The following AFF2 variants were observed in gnomAD, a reference collection of about 807,000 sequenced individuals.
AFF2 encodes the protein AF4/FMR2 family member 2.
AFF2 carries 14 observed loss-of-function variants against 76.9 expected under a neutral mutation model. That is an observed-to-expected ratio of 0.18 (90% CI 0.12 to 0.28). AFF2 has a LOEUF of 0.28. Ranked by LOEUF, AFF2 falls within the 10% of genes least tolerant of loss-of-function variation. The pLI is 1.00. For missense variants in AFF2, 868 were observed against 1,001.1 expected (o/e 0.87, Z 1.79); for synonymous variants, 398 against 366.7 (o/e 1.09, Z -0.98).
At chrX:148,898,496 C>T (rs782355312) in intron 8 of AFF2, among the ~76,000 whole-genome samples, 9 of 112,053 alleles carry the variant, frequency 8.0e-5, no homozygotes, top group Admixed American at 1.9e-4. Context: ...GCAGTAGTTG[C>T]AGGAAGAGTG....
intron 3 of AFF2, chrX:148,719,230 A>G (rs782682054): frequency 4.4e-6 from 5 of 1,144,847 alleles, no homozygotes; most frequent in Non-Finnish European, 5.8e-6. Flanking sequence ...TTCAAGATGA[A>G]GGTAGGCAAT....
At chrX:148,531,908 TAAAA>T (rs5904240) in intron 1 of AFF2, among the ~76,000 whole-genome samples, 2 of 107,503 alleles carry the variant, frequency 1.9e-5, no homozygotes, top group African/African-American at 6.8e-5. Context: ...ATCTTTTTTT[TAAAA>T]AAAAAGCAAA....
intron 3 of AFF2, among the ~76,000 whole-genome samples, chrX:148,680,848 A>C (rs1557259876): frequency 9.0e-6 from 1 of 111,443 alleles, no homozygotes; most frequent in Non-Finnish European, 1.9e-5. Context: ...CCTACAAGAC[A>C]CTAGGATGAA....
intron 9 of AFF2, among the ~76,000 whole-genome samples, chrX:148,946,190 C>T (rs943420134): frequency 1.6e-4 from 18 of 112,311 alleles, no homozygotes; most frequent in Non-Finnish European, 2.6e-4. Context: ...AAGTTCCAAA[C>T]GGTCTGTTTG....
chrX:148,838,852 C>G (rs1471130430), intron 5 of AFF2, among the ~76,000 whole-genome samples: 1 of 112,268 alleles, frequency 8.9e-6, no homozygotes, highest in Non-Finnish European at 1.9e-5. Flanking sequence ...GAAAGTAACA[C>G]TGATCTAAAC....
intron 4 of AFF2, among the ~76,000 whole-genome samples, chrX:148,835,400 T>C (rs782777748): frequency 1.8e-5 from 2 of 111,141 alleles, no homozygotes; most frequent in East Asian, 5.6e-4. Context: ...TACATACTTA[T>C]GGGGTAAAAC....
At chrX:148,621,322 C>T (rs1304490288) in intron 1 of AFF2, among the ~76,000 whole-genome samples, 2 of 110,873 alleles carry the variant, frequency 1.8e-5, no homozygotes, top group Admixed American at 1.9e-4. Flanking sequence ...TTTTGGTGGT[C>T]TTTTTTGGAG....
chrX:148,790,250 T>G (rs1277812050), intron 3 of AFF2, among the ~76,000 whole-genome samples: 1 of 111,706 alleles, frequency 9.0e-6, no homozygotes, highest in Non-Finnish European at 1.9e-5. Context: ...GGAATGTGTA[T>G]TTTTTCAACC....
chrX:148,597,868 A>G (rs1223738540), intron 1 of AFF2, among the ~76,000 whole-genome samples: 1 of 112,367 alleles, frequency 8.9e-6, no homozygotes, highest in Non-Finnish European at 1.9e-5. Context: ...ACGGAAATAA[A>G]CTGAGGAAAA....
chrX:148,718,772 C>T (rs1438069841), intron 3 of AFF2, among the ~76,000 whole-genome samples: 2 of 111,191 alleles, frequency 1.8e-5, no homozygotes, highest in African/African-American at 6.5e-5. Flanking sequence ...CTGTTTTATT[C>T]ATCTCTGTAT....
intron 1 of AFF2, among the ~76,000 whole-genome samples, chrX:148,642,745 G>A (rs1557254872): frequency 8.9e-6 from 1 of 112,149 alleles, no homozygotes; most frequent in Non-Finnish European, 1.9e-5. Flanking sequence ...GGGCAGGCAG[G>A]CCTGAGGAAA....
rs781961148 is a variant in AFF2, at chrX:148,991,269, C to T, written c.3873C>T (p.Thr1291=). The T allele has an allele frequency of 1.7e-6, 2 of 1,208,007 alleles. No individual in the cohort carries two copies. Among genetic ancestry groups the T allele is most frequent in the African/African-American group, 1.8e-5 (1 of 57,038 alleles). ...CTCTGACCCAGCACAGCAGCATGAC[C>T]AATCTTGTCCGCTACGTTCGCCAAG... ...MGPLTQHSSM[T]NLVRYVRQGL... is the part of the protein sequence containing the mutation. The change falls in exon 21 of 21, where the codon ACC becomes ACT. Residue 1291 remains threonine (T), a synonymous_variant. Transcript: ENST00000370460.
intron 12 of AFF2, among the ~76,000 whole-genome samples, chrX:148,960,045 T>C (rs1194937193): frequency 1.8e-5 from 2 of 112,630 alleles, no homozygotes; most frequent in Non-Finnish European, 1.9e-5. Context: ...AGTTGGTTCT[T>C]ACCAAATGTC....
At chrX:148,754,980 C>A (rs1187146307) in intron 3 of AFF2, among the ~76,000 whole-genome samples, 7 of 112,089 alleles carry the variant, frequency 6.2e-5, no homozygotes, top group African/African-American at 2.3e-4. Context: ...AAGGCATCAA[C>A]ATGCTGATTG....
chrX:148,636,715 A>G (rs1332411078), intron 1 of AFF2, among the ~76,000 whole-genome samples: 1 of 111,782 alleles, frequency 8.9e-6, no homozygotes, highest in Non-Finnish European at 1.9e-5. Flanking sequence ...GGGAGTTCTA[A>G]AAGTTGTGTG....
At chrX:148,788,302 T>C (rs1285464175) in intron 3 of AFF2, among the ~76,000 whole-genome samples, 1 of 112,242 alleles carries the variant, frequency 8.9e-6, no homozygotes, top group Non-Finnish European at 1.9e-5. Context: ...TAAAAATGCA[T>C]ACTAAACAAC....
intron 1 of AFF2, among the ~76,000 whole-genome samples, chrX:148,613,285 C>G (rs1557249749): frequency 8.9e-6 from 1 of 111,761 alleles, no homozygotes; most frequent in Non-Finnish European, 1.9e-5. Context: ...TGGGAATTGT[C>G]TGAAGAAATG....
At chrX:148,635,574 T>C (rs1685435834) in intron 1 of AFF2, among the ~76,000 whole-genome samples, 1 of 111,843 alleles carries the variant, frequency 8.9e-6, no homozygotes, top group African/African-American at 3.3e-5. Context: ...CATTATGTAT[T>C]TGGGAGAATG....
intron 7 of AFF2, among the ~76,000 whole-genome samples, chrX:148,877,393 A>G (rs782776806): frequency 8.9e-6 from 1 of 111,860 alleles, no homozygotes; most frequent in Admixed American, 9.5e-5. Flanking sequence ...TGGGTTAGAA[A>G]GCAATCTACC....
Sources: gnomAD v4.1 joint callset for allele counts (sites outside exome capture counted in the v4.1 genomes callset) on GRCh38, gnomAD v4.1.1 for gene constraint, MANE v1.5 for transcripts, NCBI Gene and HGNC (gene_info 2026-07-23, HGNC 2026-07-21) for gene names.